PRKN: variants seen among roughly 807,000 people sequenced by gnomAD.
PRKN encodes the protein E3 ubiquitin-protein ligase parkin.
A neutral mutation model predicts 59.5 loss-of-function variants in PRKN; 56 were observed. The observed-to-expected ratio is 0.94, with a 90% CI of 0.76 to 1.18. PRKN has a LOEUF of 1.18. PRKN is among the 50% of genes most tolerant of loss of function. PRKN has a pLI of 0.00. For synonymous variants in PRKN, 250 were observed against 222.1 expected, an observed-to-expected ratio of 1.13 and a Z score of -1.12; for missense variants, 657 against 596.4, an observed-to-expected ratio of 1.10 and a Z score of -1.06.
intron 1 of PRKN, among the ~76,000 whole-genome samples, chr6:162,674,089 T>G (rs1231823927): frequency 1.3e-5 from 2 of 152,206 alleles, no homozygotes; most frequent in Non-Finnish European, 2.9e-5. Flanking sequence ...CATTAAGAGC[T>G]CAATGTATGC....
intron 9 of PRKN, among the ~76,000 whole-genome samples, chr6:161,398,134 T>C (rs765487882): frequency 2.6e-5 from 4 of 152,022 alleles, no homozygotes; most frequent in African/African-American, 7.3e-5. Flanking sequence ...GAGAGTCACA[T>C]TGATGAGAGA....
chr6:161,599,061 G>A (rs1012304825), intron 7 of PRKN, among the ~76,000 whole-genome samples: 5 of 152,152 alleles, frequency 3.3e-5, no homozygotes, highest in East Asian at 3.9e-4. Context: ...GAGGAATGCC[G>A]ACTCCTGGCA....
rs1050455157 is a variant in PRKN at position 161,429,200 on chromosome 6, C to T, written c.1084-42323G>A. ...GTAAGATACAATTTATATATTCTTG[C>T]TCATTTACTCATTTATTCATTTATA... On this transcript the variant is annotated intron_variant, in intron 9 of 11. Coordinates refer to ENST00000366898, the MANE Select transcript of PRKN (RefSeq NM_004562.3). This position sits in a 1 kb window ranked among gnomAD's most constrained non-coding sequence, Gnocchi z 4.2. 9.2e-5 allele frequency among the ~76,000 whole-genome samples: 14 copies of T among 152,272 alleles called. No homozygotes were observed. Among genetic ancestry groups the T allele is most frequent in the African/African-American group, 3.1e-4 (13 of 41,544 alleles).
intron 7 of PRKN, among the ~76,000 whole-genome samples, chr6:161,764,852 TAA>T (rs1322885006): frequency 6.6e-6 from 1 of 152,180 alleles, no homozygotes; most frequent in Non-Finnish European, 1.5e-5. Context: ...CAAGCAGTCT[TAA>T]ACACATATTT....
intron 3 of PRKN, among the ~76,000 whole-genome samples, chr6:162,238,630 TG>T (rs1274366869): frequency 1.3e-5 from 2 of 152,210 alleles, no homozygotes; most frequent in Non-Finnish European, 2.9e-5. Flanking sequence ...GCCAGATGAC[TG>T]GGCCAGGACC....
In PRKN at chr6:162,136,617, T is replaced by C. The variant is rs140427803; in HGVS notation, c.534+64514A>G. Among the ~76,000 whole-genome samples the C allele has an allele frequency of 6.0e-4, 92 of 152,306 alleles. 2 individuals carry two copies. Among genetic ancestry groups the C allele is most frequent in the African/African-American group, 2.2e-3 (92 of 41,568 alleles). On this transcript the variant is annotated intron_variant, in intron 4 of 11. Transcript: ENST00000366898. ...AAAATGGGGTCTATGCCTCCTTGGA[T>C]TGTTGAGAAAATGACATGGGATGAT...
At chr6:161,605,183 T>C (rs909937064) in intron 7 of PRKN, among the ~76,000 whole-genome samples, 1 of 152,190 alleles carries the variant, frequency 6.6e-6, no homozygotes, top group Non-Finnish European at 1.5e-5. Context: ...CTGTGTACCA[T>C]CCACCCCTTT....
intron 3 of PRKN, among the ~76,000 whole-genome samples, chr6:162,218,398 A>G (rs1316599629): frequency 2.6e-5 from 4 of 152,106 alleles, no homozygotes; most frequent in African/African-American, 7.2e-5. Flanking sequence ...TGTGTAGTAC[A>G]TGCTGCAGAG....
chr6:162,084,005 A>T (rs1779160720), intron 4 of PRKN, among the ~76,000 whole-genome samples: 1 of 152,140 alleles, frequency 6.6e-6, no homozygotes, highest in South Asian at 2.1e-4. Context: ...AAATTAAAAA[A>T]TAATTTTAGA....
At chr6:161,917,230 C>G (rs1429440532) in intron 6 of PRKN, among the ~76,000 whole-genome samples, 1 of 152,098 alleles carries the variant, frequency 6.6e-6, no homozygotes, top group Non-Finnish European at 1.5e-5. Flanking sequence ...CTCAGCCTCC[C>G]GAGTAGCTGG....
chr6:161,510,648 T>G (rs1014130753), intron 9 of PRKN, among the ~76,000 whole-genome samples: 4 of 152,240 alleles, frequency 2.6e-5, no homozygotes, highest in African/African-American at 9.6e-5. Context: ...GCTATTTGCA[T>G]AAGTAACCAG....
chr6:162,345,786 T>C (rs1162444490), intron 2 of PRKN, among the ~76,000 whole-genome samples: 2 of 152,242 alleles, frequency 1.3e-5, no homozygotes, highest in Non-Finnish European at 2.9e-5. Flanking sequence ...ACATTAGCTA[T>C]GAATAATGAT....
intron 5 of PRKN, among the ~76,000 whole-genome samples, chr6:161,981,333 C>G (rs1186201169): frequency 2.0e-5 from 3 of 152,138 alleles, no homozygotes; most frequent in Non-Finnish European, 4.4e-5. Flanking sequence ...TCTTCCTATC[C>G]ATGCAGAGGT....
intron 5 of PRKN, among the ~76,000 whole-genome samples, chr6:162,013,682 G>A (rs1342407723): frequency 6.6e-6 from 1 of 152,120 alleles, no homozygotes; most frequent in Non-Finnish European, 1.5e-5. Flanking sequence ...CTGTGACACT[G>A]ATAAATCTGA....
At chr6:162,727,618 G>C in intron 1 of PRKN, 44 bp downstream of exon 1, 1 of 1,567,502 alleles carries the variant, frequency 6.4e-7, no homozygotes, top group Non-Finnish European at 8.7e-7. Context: ...ATACCGGGGC[G>C]TGGGGCGGCG....
intron 1 of PRKN, among the ~76,000 whole-genome samples, chr6:162,692,516 T>A (rs1165830225): frequency 6.6e-6 from 1 of 152,080 alleles, no homozygotes; most frequent in Admixed American, 6.6e-5. Flanking sequence ...CAGGAGGGGC[T>A]GCAGACTGAG....
chr6:162,229,244 C>T (rs1459533974), intron 3 of PRKN, among the ~76,000 whole-genome samples: 1 of 152,142 alleles, frequency 6.6e-6, no homozygotes, highest in Non-Finnish European at 1.5e-5. Flanking sequence ...CCCATCCCAA[C>T]AAAAACACCC....
chr6:161,505,954 C>T (rs374729312), intron 9 of PRKN, among the ~76,000 whole-genome samples: 16 of 150,994 alleles, frequency 1.1e-4, no homozygotes, highest in African/African-American at 3.9e-4. Flanking sequence ...TGAAGTCAGG[C>T]AGCGTGATGC....
At chr6:162,661,686 G>T (rs1325384056) in intron 1 of PRKN, among the ~76,000 whole-genome samples, 1 of 152,148 alleles carries the variant, frequency 6.6e-6, no homozygotes, top group Non-Finnish European at 1.5e-5. Context: ...ATATGACAGG[G>T]TTATGGCTGA....
Sources: allele counts gnomAD v4.1 joint callset (sites outside exome capture counted in the v4.1 genomes callset), GRCh38; gene constraint gnomAD v4.1.1; non-coding constraint Gnocchi (gnomAD v3.1); transcripts MANE v1.5; gene names NCBI Gene and HGNC (gene_info 2026-07-23, HGNC 2026-07-21).